MYT1: variants seen among roughly 807,000 people sequenced by gnomAD.
MYT1 encodes the protein myelin transcription factor I.
Under a neutral mutation model 123.0 loss-of-function variants are expected in MYT1, and 23 were observed. That is an observed-to-expected ratio of 0.19 (90% CI 0.13 to 0.26). MYT1 has a LOEUF of 0.26. Among genes scored for constraint, MYT1 ranks in the 10% least tolerant of loss-of-function variants. The pLI is 1.00. For synonymous variants in MYT1, 518 were observed against 575.3 expected, an observed-to-expected ratio of 0.90 and a Z score of 1.43; for missense variants, 1,125 against 1,472.5, an observed-to-expected ratio of 0.76 and a Z score of 3.86.
At chr20:64,195,978 G>A (rs529689964) in intron 2 of MYT1, among the ~76,000 whole-genome samples, 38 of 152,252 alleles carry the variant, frequency 2.5e-4, no homozygotes, top group African/African-American at 7.9e-4. Flanking sequence ...AGACATGCTC[G>A]CAGTGGCAGA....
At chr20:64,187,413 G>A (rs1310045620) in intron 1 of MYT1, among the ~76,000 whole-genome samples, 5 of 149,324 alleles carry the variant, frequency 3.3e-5, no homozygotes, top group African/African-American at 1.2e-4. Flanking sequence ...CGGCATCCAC[G>A]TTTCTGTGGA....
rs2145702333 is a variant in MYT1 at position 64,189,108 on chromosome 20, G to A, written c.-98-955G>A. Reference sequence around the variant, plus strand: ...GGCTGCCTGGGGCCAGGAGTGGCCAGAACCCTAGAGAAGAATTGCATTTGG... The same window carrying A: ...GGCTGCCTGGGGCCAGGAGTGGCCAAAACCCTAGAGAAGAATTGCATTTGG... On this transcript the variant is annotated intron_variant, in intron 1 of 22. Transcript: ENST00000328439. The surrounding 1 kb of genome is among the most constrained non-coding windows in gnomAD (Gnocchi z 5.5). Among the ~76,000 whole-genome samples the A allele has an allele frequency of 6.6e-6, 1 of 152,346 alleles. No individual in the cohort carries two copies. The highest frequency in any genetic ancestry group is 1.9e-4 in the East Asian group (1 of 5,188).
chr20:64,226,876 C>T (rs543828285), intron 16 of MYT1, among the ~76,000 whole-genome samples: 2 of 152,384 alleles, frequency 1.3e-5, no homozygotes, highest in South Asian at 2.1e-4. Context: ...ATCTGCTCTG[C>T]AGCAGGTGTG....
chr20:64,238,589 A>T (rs1161559492), intron 21 of MYT1, among the ~76,000 whole-genome samples: 2 of 135,772 alleles, frequency 1.5e-5, no homozygotes, highest in African/African-American at 5.6e-5. Context: ...CCCCAGGTTC[A>T]TAGGCAGTGA....
At chr20:64,239,644 T>C in intron 21 of MYT1, 116 bp from the exon 22 acceptor site, 1 of 1,461,992 alleles carries the variant, frequency 6.8e-7, no homozygotes, top group South Asian at 1.3e-5. Context: ...CCCTGCCTCT[T>C]CCCCCACCCC....
intron 4 of MYT1, among the ~76,000 whole-genome samples, chr20:64,200,163 G>A (rs755781548): frequency 6.6e-6 from 1 of 152,170 alleles, no homozygotes; most frequent in South Asian, 2.1e-4. Context: ...GCAAGGACAC[G>A]GATGTGCCTA....
At chr20:64,225,408 G>T (rs924188527) in intron 16 of MYT1, among the ~76,000 whole-genome samples, 1 of 152,182 alleles carries the variant, frequency 6.6e-6, no homozygotes, top group African/African-American at 2.4e-5. Flanking sequence ...AATCCCAAGG[G>T]CGTTCACTCT....
In MYT1 at chr20:64,213,278, G is replaced by C. The variant is rs920694988; in HGVS notation, c.1518-256G>C. Among the ~76,000 whole-genome samples, 17 of 152,210 alleles carry C rather than the reference G, an allele frequency of 1.1e-4. No homozygotes were observed. The highest frequency in any genetic ancestry group is 2.9e-5 in the Non-Finnish European group (2 of 68,032). ...CCTTTAGGATATATTTCATCTTTGTGTGTCCTTGGCATAGAATGTTCCAAA... is the reference window on the plus strand; with the variant it reads ...CCTTTAGGATATATTTCATCTTTGTCTGTCCTTGGCATAGAATGTTCCAAA... On this transcript the variant is annotated intron_variant, in intron 9 of 22. Coordinates refer to ENST00000328439, the MANE Select transcript of MYT1 (RefSeq NM_004535.3). The surrounding 1 kb of genome is among the most constrained non-coding windows in gnomAD (Gnocchi z 5.6).
chr20:64,197,311 G>A (rs1170592257), intron 2 of MYT1, among the ~76,000 whole-genome samples: 2 of 152,156 alleles, frequency 1.3e-5, no homozygotes, highest in Non-Finnish European at 2.9e-5. Context: ...CTAATTGGGG[G>A]AATTCCTTTT....
intron 1 of MYT1, among the ~76,000 whole-genome samples, chr20:64,179,887 C>G (rs182847894): frequency 2.6e-5 from 4 of 151,898 alleles, no homozygotes; most frequent in African/African-American, 9.7e-5. Context: ...CAGTTACACA[C>G]ACGCTACACA....
intron 2 of MYT1, among the ~76,000 whole-genome samples, chr20:64,198,109 C>G (rs1346959523): frequency 7.2e-5 from 11 of 151,738 alleles, no homozygotes; most frequent in Non-Finnish European, 1.6e-4. Context: ...CACGGTGAAA[C>G]CCCGTCTCTA....
At chr20:64,230,305 G>A (rs11697121) in intron 18 of MYT1, among the ~76,000 whole-genome samples, 1,640 of 152,292 alleles carry the variant, frequency 0.011, 12 homozygotes, top group Middle Eastern at 0.024. Context: ...CTGAGGTCAG[G>A]AGTTCGAGAC....
At chr20:64,239,628 C>A (rs969140774) in intron 21 of MYT1, 132 bp from the exon 22 acceptor site, 22 of 1,309,754 alleles carry the variant, frequency 1.7e-5, no homozygotes, top group Admixed American at 1.6e-4. Context: ...TACAGGAAGG[C>A]AGGGTCCCTG....
rs571672822 is a variant in MYT1 at position 64,231,921 on chromosome 20, C to T, written c.2676-243C>T. Among the ~76,000 whole-genome samples, 2 of 152,316 alleles carry T rather than the reference C, an allele frequency of 1.3e-5. No individual in the cohort carries two copies. The highest frequency in any genetic ancestry group is 3.4e-3 in the Middle Eastern group (1 of 294). ...CACGGAAAGAAGGTGGCTGTGGAGACCCCAGTCATGCAGGGGCTGTGAGGC... is the reference window on the plus strand; with the variant it reads ...CACGGAAAGAAGGTGGCTGTGGAGATCCCAGTCATGCAGGGGCTGTGAGGC... On this transcript the variant is annotated intron_variant, in intron 18 of 22. Coordinates refer to ENST00000328439, the MANE Select transcript of MYT1 (RefSeq NM_004535.3). The surrounding 1 kb of genome is among the most constrained non-coding windows in gnomAD (Gnocchi z 6.4).
chr20:64,228,093 C>A, intron 18 of MYT1, 122 bp downstream of exon 18: 1 of 884,044 alleles, frequency 1.1e-6, no homozygotes. Context: ...ACCTAACTGA[C>A]CAACGCCAAC....
intron 19 of MYT1, 131 bp from the exon 20 acceptor site, chr20:64,236,424 T>C: frequency 1.4e-6 from 1 of 698,968 alleles, no homozygotes; most frequent in Non-Finnish European, 2.5e-6. Context: ...TGGGTGACCC[T>C]GGGATGGTCG....
intron 18 of MYT1, among the ~76,000 whole-genome samples, chr20:64,228,755 A>G (rs1984241860): frequency 6.6e-6 from 1 of 152,204 alleles, no homozygotes; most frequent in Admixed American, 6.5e-5. Context: ...CCCACTGGCC[A>G]TTTTGCCCAG....
Position 64,205,725 on chromosome 20 carries a change from T to G in MYT1, c.322T>G (p.Ser108Ala). ...EVKDASVSDE[S>A]EGTLEGAEAE... ...GAAGGACGCCTCTGTTTCGGATGAA[T>G]CGGAAGGAACTCTGGAGGGGGCCGA... The change falls in exon 6 of 23, where the codon TCG becomes GCG. Residue 108 changes from serine (S) to alanine (A), a missense_variant. Physicochemically the swap from Ser to Ala is moderately conservative, Grantham distance 99. Coordinates refer to ENST00000328439, the MANE Select transcript of MYT1 (RefSeq NM_004535.3). The G allele has an allele frequency of 6.2e-7, 1 of 1,614,118 alleles. No homozygotes were observed. The highest frequency in any genetic ancestry group is 8.5e-7 in the Non-Finnish European group (1 of 1,180,020).
At position 64,208,177 on chromosome 20, in the gene MYT1, GC is replaced by G; in HGVS notation, c.982del (p.Leu328SerfsTer45). ...SHTSAQKAPE[L>X]RGPESPSPKP... Reference sequence around the variant, plus strand: ...ACACCTCTGCCCAGAAGGCCCCTGAGCTCCGGGGCCCAGAATCACCCAGTCC... The same window carrying G: ...ACACCTCTGCCCAGAAGGCCCCTGAGTCCGGGGCCCAGAATCACCCAGTCC... On this transcript the variant is annotated frameshift_variant, in exon 7 of 23. Coordinates refer to ENST00000328439, the MANE Select transcript of MYT1 (RefSeq NM_004535.3). LOFTEE classifies it high-confidence loss of function. This position sits in a 1 kb window ranked among gnomAD's most constrained non-coding sequence, Gnocchi z 5.4. The G allele has an allele frequency of 6.2e-7, 1 of 1,613,870 alleles. No individual in the cohort carries two copies. The highest frequency in any genetic ancestry group is 8.5e-7 in the Non-Finnish European group (1 of 1,180,002).
Sources: gnomAD v4.1 joint callset for allele counts (sites outside exome capture counted in the v4.1 genomes callset) on GRCh38, gnomAD v4.1.1 for gene constraint, Gnocchi (gnomAD v3.1) non-coding constraint, MANE v1.5 for transcripts, NCBI Gene and HGNC (gene_info 2026-07-23, HGNC 2026-07-21) for gene names.